Variants in NDST4 observed in about 807,000 individuals in gnomAD.
NDST4 encodes N-heparan sulfate sulfotransferase 4.
Under a neutral mutation model 100.8 loss-of-function variants are expected in NDST4, and 63 were observed. That is an observed-to-expected ratio of 0.62 (90% CI 0.51 to 0.77). The LOEUF (loss-of-function observed/expected upper bound fraction) is 0.77. Ranked by LOEUF, NDST4 falls within the 30% of genes least tolerant of loss-of-function variation. The probability of loss-of-function intolerance (pLI) is 0.00; values close to 1 mark genes in which losing one functional copy is unlikely to be tolerated. For missense variants in NDST4, 943 were observed against 1,018.4 expected (o/e 0.93, Z 1.01); for synonymous variants, 377 against 361.8 (o/e 1.04, Z -0.48).
chr4:114,858,748 G>A (rs1329493797), intron 7 of NDST4, among the ~76,000 whole-genome samples: 8 of 152,158 alleles, frequency 5.3e-5, no homozygotes, highest in Non-Finnish European at 1.2e-4. Flanking sequence ...GAGAATTTGT[G>A]CTTTCTTTCC....
At position 114,929,093 on chromosome 4, in the gene NDST4, C is replaced by G. The variant is rs910978366; in HGVS notation, c.1536+6113G>C. ...CCGTCCGTCCATCCATCCATCCATC[C>G]ATCCATCCATCCATCCATCCATCTA... On this transcript the variant is annotated intron_variant, in intron 6 of 13. Coordinates refer to ENST00000264363, the MANE Select transcript of NDST4 (RefSeq NM_022569.3). Among the ~76,000 whole-genome samples the G allele has an allele frequency of 7.0e-3, 761 of 108,436 alleles. 4 individuals are homozygous for G. The highest frequency in any genetic ancestry group is 0.013 in the Middle Eastern group (3 of 226). The allele number at this position is 108,436 out of a possible 152,430, so 71.1% of individuals were successfully genotyped here.
At chr4:115,078,913 G>C (rs1487058722) in intron 1 of NDST4, among the ~76,000 whole-genome samples, 1 of 151,956 alleles carries the variant, frequency 6.6e-6, no homozygotes, top group African/African-American at 2.4e-5. Context: ...CATAAGCAAA[G>C]AAATGACCTA....
At chr4:114,911,665 G>A (rs1388117979) in intron 6 of NDST4, among the ~76,000 whole-genome samples, 5 of 152,098 alleles carry the variant, frequency 3.3e-5, no homozygotes, top group African/African-American at 4.8e-5. Context: ...TTACTCTTCC[G>A]TAGAAAAATG....
intron 6 of NDST4, among the ~76,000 whole-genome samples, chr4:114,931,710 A>G (rs971469662): frequency 1.3e-5 from 2 of 151,918 alleles, no homozygotes; most frequent in African/African-American, 4.8e-5. Context: ...ACAGACTACT[A>G]TGAACAATGA....
chr4:115,101,144 T>G (rs948469708), intron 1 of NDST4, among the ~76,000 whole-genome samples: 1 of 152,046 alleles, frequency 6.6e-6, no homozygotes, highest in South Asian at 2.1e-4. Context: ...ACAAACACTA[T>G]CTCTACTCTT....
chr4:114,829,922 A>T, intron 12 of NDST4, 30 bp from the exon 13 acceptor site: 1 of 1,523,582 alleles, frequency 6.6e-7, no homozygotes, highest in Non-Finnish European at 9.0e-7. Flanking sequence ...ATGATTACAA[A>T]TTGTATGCAG....
chr4:115,044,592 T>A (rs891960118), intron 2 of NDST4, among the ~76,000 whole-genome samples: 7 of 151,928 alleles, frequency 4.6e-5, no homozygotes, highest in Non-Finnish European at 1.0e-4. Context: ...AAATTCAAGT[T>A]CACTCTGGTG....
At chr4:115,031,267 G>A (rs191998054) in intron 2 of NDST4, among the ~76,000 whole-genome samples, 1 of 151,976 alleles carries the variant, frequency 6.6e-6, no homozygotes, top group African/African-American at 2.4e-5. Flanking sequence ...AATGCCTCCT[G>A]CTCCAGACAT....
intron 2 of NDST4, among the ~76,000 whole-genome samples, chr4:115,007,997 T>G (rs1727459222): frequency 7.7e-6 from 1 of 129,524 alleles, no homozygotes; most frequent in African/African-American, 2.9e-5. Context: ...GGGCACTAAA[T>G]TTCTTTATTT....
intron 2 of NDST4, among the ~76,000 whole-genome samples, chr4:114,979,508 TATTTTTA>T (rs1006634632): frequency 1.2e-4 from 18 of 151,728 alleles, no homozygotes; most frequent in Non-Finnish European, 2.2e-4. Flanking sequence ...TAGTTTCATT[TATTTTTA>T]ATTTTTAATT....
At chr4:115,107,816 A>T (rs1470522224) in intron 1 of NDST4, among the ~76,000 whole-genome samples, 1 of 152,086 alleles carries the variant, frequency 6.6e-6, no homozygotes, top group African/African-American at 2.4e-5. Flanking sequence ...AGCAAAAGTA[A>T]AAAAGCTATT....
chr4:115,073,476 A>G (rs761119110), intron 2 of NDST4, among the ~76,000 whole-genome samples: 5 of 152,014 alleles, frequency 3.3e-5, no homozygotes, highest in Non-Finnish European at 7.4e-5. Flanking sequence ...ATGAAATATC[A>G]TTCAGACATT....
chr4:114,910,695 G>A (rs572985556), intron 6 of NDST4, among the ~76,000 whole-genome samples: 9 of 152,170 alleles, frequency 5.9e-5, no homozygotes, highest in Admixed American at 1.3e-4. Context: ...AATGACTAAC[G>A]TGTTAGATGC....
intron 8 of NDST4, among the ~76,000 whole-genome samples, chr4:114,850,255 G>T (rs1427203511): frequency 6.6e-6 from 1 of 152,100 alleles, no homozygotes; most frequent in Non-Finnish European, 1.5e-5. Context: ...GTAATAAGTA[G>T]AAATGTTTAA....
intron 1 of NDST4, among the ~76,000 whole-genome samples, chr4:115,084,380 C>T (rs926993682): frequency 2.0e-5 from 3 of 152,126 alleles, no homozygotes; most frequent in Non-Finnish European, 4.4e-5. Context: ...AAGAAAAACC[C>T]ATATTCTGGG....
At chr4:114,940,572 C>T (rs1026564815) in intron 4 of NDST4, among the ~76,000 whole-genome samples, 2 of 152,122 alleles carry the variant, frequency 1.3e-5, no homozygotes, top group African/African-American at 4.8e-5. Flanking sequence ...AGCATGAGTG[C>T]TTCTGGGCAC....
chr4:115,095,747 C>A (rs1729605876), intron 1 of NDST4, among the ~76,000 whole-genome samples: 1 of 152,118 alleles, frequency 6.6e-6, no homozygotes, highest in South Asian at 2.1e-4. Flanking sequence ...ATCCTTCCAA[C>A]ACTATAGAGG....
chr4:115,082,258 T>C (rs1221770831), intron 1 of NDST4, among the ~76,000 whole-genome samples: 1 of 152,206 alleles, frequency 6.6e-6, no homozygotes, highest in Non-Finnish European at 1.5e-5. Flanking sequence ...TTAACACTAT[T>C]GTTTTATATA....
At chr4:114,904,420 T>G (rs1724908166) in intron 6 of NDST4, among the ~76,000 whole-genome samples, 1 of 151,960 alleles carries the variant, frequency 6.6e-6, no homozygotes, top group South Asian at 2.1e-4. Context: ...ATGTAATTGA[T>G]ATTATTCTCA....
Sources: allele counts gnomAD v4.1 joint callset (sites outside exome capture counted in the v4.1 genomes callset), GRCh38; gene constraint gnomAD v4.1.1; transcripts MANE v1.5; gene names NCBI Gene and HGNC (gene_info 2026-07-23, HGNC 2026-07-21).